ADAM10: variants seen among roughly 807,000 people sequenced by gnomAD.
ADAM10 encodes ADAM metallopeptidase domain 10, also known as disintegrin and metalloproteinase domain-containing protein 10.
A neutral mutation model predicts 90.1 loss-of-function variants in ADAM10; 17 were observed. That is an observed-to-expected ratio of 0.19 (90% confidence interval 0.13 to 0.28). The LOEUF (loss-of-function observed/expected upper bound fraction) is 0.28, where lower values mean the gene tolerates loss of function less well. Among genes scored for constraint, ADAM10 ranks in the 10% least tolerant of loss-of-function variants. The probability of loss-of-function intolerance (pLI) is 1.00; values close to 1 mark genes in which losing one functional copy is unlikely to be tolerated. For missense variants in ADAM10, 610 were observed against 914.3 expected, an observed-to-expected ratio of 0.67 and a Z score of 4.29; for synonymous variants, 310 against 298.6, an observed-to-expected ratio of 1.04 and a Z score of -0.40.
intron 2 of ADAM10, chr15:58,691,676 C>CTT (rs71116587): frequency 0.021 from 4,816 of 229,028 alleles, 12 homozygotes; most frequent in Non-Finnish European, 0.024. Flanking sequence ...ACTTCTTCTT[C>CTT]TTTTTTTTTT....
At chr15:58,619,695 G>A (rs1274467654) in intron 11 of ADAM10, among the ~76,000 whole-genome samples, 1 of 151,952 alleles carries the variant, frequency 6.6e-6, no homozygotes, top group African/African-American at 2.4e-5. Flanking sequence ...AGGAGGTCAG[G>A]AGATCGAGAC....
intron 2 of ADAM10, among the ~76,000 whole-genome samples, chr15:58,697,910 T>C (rs1898022040): frequency 6.6e-6 from 1 of 152,084 alleles, no homozygotes; most frequent in Non-Finnish European, 1.5e-5. Context: ...CAGACACTAT[T>C]AACGCTGTAA....
chr15:58,731,660 G>A (rs971141191), intron 1 of ADAM10, among the ~76,000 whole-genome samples: 1 of 152,066 alleles, frequency 6.6e-6, no homozygotes, highest in Non-Finnish European at 1.5e-5. Context: ...TCAAGTATGA[G>A]AGGGCATTTT....
At chr15:58,730,903 C>CA (rs1899213968) in intron 1 of ADAM10, among the ~76,000 whole-genome samples, 1 of 152,208 alleles carries the variant, frequency 6.6e-6, no homozygotes, top group Admixed American at 6.5e-5. Flanking sequence ...CAGCCTCAGA[C>CA]AGAGTTAAAA....
At chr15:58,604,969 G>A (rs1895229143) in intron 14 of ADAM10, among the ~76,000 whole-genome samples, 1 of 152,136 alleles carries the variant, frequency 6.6e-6, no homozygotes, top group East Asian at 1.9e-4. Context: ...TCAACTGCTA[G>A]TCTCCAGCAA....
At chr15:58,727,047 C>T (rs1258214882) in intron 1 of ADAM10, among the ~76,000 whole-genome samples, 2 of 151,898 alleles carry the variant, frequency 1.3e-5, no homozygotes, top group African/African-American at 2.4e-5. Context: ...TCACTCATTG[C>T]CCAGGCTGGA....
Position 58,590,674 on chromosome 15 carries a change from T to C in ADAM10, c.*6873A>G, listed in dbSNP as rs1388902282. On this transcript the variant is annotated 3_prime_UTR_variant, in exon 16 of 16. Transcript: ENST00000260408. ...TGAAGAATATATTGACACCTTAATT[T>C]ATAAAAACCGGCCTGTTGTATTTAG... The C allele has an allele frequency of 1.3e-5, 2 of 152,196 alleles. No homozygotes were observed. The highest frequency in any genetic ancestry group is 4.8e-5 in the African/African-American group (2 of 41,448). The allele number at this position is 152,196 out of a possible 1,614,324, so 9.4% of individuals were successfully genotyped here. A position where few individuals can be genotyped will look rare whatever the true frequency, so the allele number is the denominator to read the frequency against.
chr15:58,629,984 G>A (rs1896057611), intron 9 of ADAM10, among the ~76,000 whole-genome samples: 1 of 152,068 alleles, frequency 6.6e-6, no homozygotes, highest in Non-Finnish European at 1.5e-5. Context: ...ATGTTGCCCA[G>A]GCTGGTCTCG....
chr15:58,666,986 G>A (rs1897095118), intron 4 of ADAM10, among the ~76,000 whole-genome samples: 1 of 151,984 alleles, frequency 6.6e-6, no homozygotes. Flanking sequence ...CTATAAAAAT[G>A]GACAATGACA....
intron 1 of ADAM10, among the ~76,000 whole-genome samples, chr15:58,743,430 T>G (rs1360232821): frequency 6.6e-6 from 1 of 152,116 alleles, no homozygotes. Context: ...AGCAAATTTT[T>G]TTCTAACCAT....
intron 1 of ADAM10, 121 bp downstream of exon 1, chr15:58,749,359 G>A (rs1370556347): frequency 3.4e-6 from 4 of 1,185,444 alleles, no homozygotes; most frequent in Non-Finnish European, 4.2e-6. Context: ...CCGCCAGAGT[G>A]GCGCCGCTGG....
chr15:58,739,520 AAAATAAAT>A (rs1192854074), intron 1 of ADAM10, among the ~76,000 whole-genome samples: 1 of 151,814 alleles, frequency 6.6e-6, no homozygotes, highest in Admixed American at 6.5e-5. Flanking sequence ...CCGTCTCAAA[AAAATAAAT>A]AAATAAATAA....
intron 1 of ADAM10, among the ~76,000 whole-genome samples, chr15:58,718,657 T>C (rs766731999): frequency 5.3e-5 from 8 of 152,190 alleles, no homozygotes; most frequent in African/African-American, 1.9e-4. Context: ...GCACTACTTA[T>C]AGCCCTATCT....
In ADAM10 at chr15:58,589,759, C is replaced by T. The variant is rs1043296785; in HGVS notation, c.*7788G>A. On this transcript the variant is annotated 3_prime_UTR_variant, in exon 16 of 16. Coordinates refer to ENST00000260408, the MANE Select transcript of ADAM10 (RefSeq NM_001110.4). ...TCCAGGGCACAGCAGGTCACATGGA[C>T]ACCTCATTCATCCTGGTAGGAGGCT... 6.6e-5 allele frequency: 10 copies of T among 152,182 alleles called. No individual in the cohort carries two copies. Among genetic ancestry groups the T allele is most frequent in the Admixed American group, 1.3e-4 (2 of 15,270 alleles). 9.4% of individuals were successfully genotyped at this position (152,182 alleles called of 1,614,324 possible). A position where few individuals can be genotyped will look rare whatever the true frequency, so the allele number is the denominator to read the frequency against.
At chr15:58,711,226 T>C (rs191311706) in intron 2 of ADAM10, among the ~76,000 whole-genome samples, 3 of 152,340 alleles carry the variant, frequency 2.0e-5, no homozygotes, top group East Asian at 1.9e-4. Context: ...TTCTATATTA[T>C]ATACAAATCA....
chr15:58,695,484 C>T (rs1192207635), intron 2 of ADAM10, among the ~76,000 whole-genome samples: 4 of 152,118 alleles, frequency 2.6e-5, no homozygotes, highest in African/African-American at 7.2e-5. Context: ...CATATTTACA[C>T]ATTTACAGTT....
In ADAM10 at chr15:58,728,865, T is replaced by C. The variant is rs548114961; in HGVS notation, c.56-11138A>G. Among the ~76,000 whole-genome samples the C allele has an allele frequency of 5.4e-3, 830 of 152,298 alleles. 5 individuals are homozygous for C. The highest frequency in any genetic ancestry group is 7.0e-3 in the Non-Finnish European group (476 of 68,032). ...TAATGATTCAATATTCCTACATAACTGTAGTTTGCTAATAGGACATAAGTA... is the reference window on the plus strand; with the variant it reads ...TAATGATTCAATATTCCTACATAACCGTAGTTTGCTAATAGGACATAAGTA... On this transcript the variant is annotated intron_variant, in intron 1 of 15. Coordinates refer to ENST00000260408, the MANE Select transcript of ADAM10 (RefSeq NM_001110.4).
intron 5 of ADAM10, among the ~76,000 whole-genome samples, chr15:58,654,124 A>T (rs1418691385): frequency 6.7e-6 from 1 of 150,358 alleles, no homozygotes; most frequent in Non-Finnish European, 1.5e-5. Flanking sequence ...AAGGTTTGTC[A>T]ATTTTGTTTA....
intron 2 of ADAM10, among the ~76,000 whole-genome samples, chr15:58,712,416 C>A (rs1898503539): frequency 6.6e-6 from 1 of 151,284 alleles, no homozygotes; most frequent in Non-Finnish European, 1.5e-5. Flanking sequence ...CCCAGCTACT[C>A]AGGAGGCTGA....
Sources: allele counts gnomAD v4.1 joint callset (sites outside exome capture counted in the v4.1 genomes callset), GRCh38; gene constraint gnomAD v4.1.1; transcripts MANE v1.5; gene names NCBI Gene and HGNC (gene_info 2026-07-23, HGNC 2026-07-21).